Variants in TENM3 observed in about 807,000 individuals in gnomAD.
TENM3 encodes teneurin-3.
In TENM3, 63 loss-of-function variants were observed where a neutral mutation model predicts 255.1. The ratio of observed to expected loss-of-function variants is 0.25; its 90% CI spans 0.20 to 0.30. The LOEUF (loss-of-function observed/expected upper bound fraction) is 0.30, where lower values mean the gene tolerates loss of function less well. Ranked by LOEUF, TENM3 falls within the 10% of genes least tolerant of loss-of-function variation. The pLI, the probability that TENM3 is intolerant of heterozygous loss-of-function variation, is 1.00. For missense variants in TENM3, 2,929 were observed against 3,461.1 expected, an observed-to-expected ratio of 0.85 and a Z score of 3.86; for synonymous variants, 1,306 against 1,322.3, an observed-to-expected ratio of 0.99 and a Z score of 0.27.
chr4:181,603,298 A>G, the TENM3 span, among the ~76,000 whole-genome samples: 2 of 152,198 alleles, frequency 1.3e-5, no homozygotes, highest in Non-Finnish European at 2.9e-5. Context: ...AGATCCTAAT[A>G]GGGCAATAAT....
intron 5 of TENM3, among the ~76,000 whole-genome samples, chr4:182,639,961 G>A (rs558122092): frequency 3.9e-5 from 6 of 152,054 alleles, no homozygotes; most frequent in Non-Finnish European, 7.4e-5. Flanking sequence ...GTGGTGGCGC[G>A]CACCTGTAGT....
the TENM3 span, among the ~76,000 whole-genome samples, chr4:181,624,376 G>A: frequency 6.6e-6 from 1 of 152,182 alleles, no homozygotes; most frequent in Non-Finnish European, 1.5e-5. Context: ...TAAATCCCAT[G>A]GCCACATCTA....
At chr4:182,219,136 C>T (rs1249907623) in intron 1 of TENM3, among the ~76,000 whole-genome samples, 4 of 152,216 alleles carry the variant, frequency 2.6e-5, no homozygotes, top group African/African-American at 7.2e-5. Context: ...GCAGGTGAAT[C>T]GCTTGAACCT....
the TENM3 span, among the ~76,000 whole-genome samples, chr4:181,697,849 C>G: frequency 2.0e-5 from 3 of 152,210 alleles, no homozygotes; most frequent in South Asian, 6.2e-4. Flanking sequence ...AATGCCTACT[C>G]TGTGCAAACC....
At chr4:182,053,755 C>A in the TENM3 span, among the ~76,000 whole-genome samples, 1 of 152,324 alleles carries the variant, frequency 6.6e-6, no homozygotes, top group South Asian at 2.1e-4. Context: ...ATCCTAGAGG[C>A]ATTTAATCTG....
intron 3 of TENM3, among the ~76,000 whole-genome samples, chr4:182,566,602 C>T (rs1242635550): frequency 3.3e-5 from 5 of 152,194 alleles, no homozygotes; most frequent in East Asian, 1.9e-4. Context: ...CAGCCTTTCA[C>T]GCACTGTGTC....
chr4:182,364,850 C>T (rs905055792), intron 3 of TENM3, among the ~76,000 whole-genome samples: 1 of 152,198 alleles, frequency 6.6e-6, no homozygotes, highest in Admixed American at 6.5e-5. Flanking sequence ...TGAACTTTCG[C>T]TACTATAAGT....
chr4:182,775,530 C>T (rs554378687), intron 24 of TENM3, among the ~76,000 whole-genome samples: 2 of 152,282 alleles, frequency 1.3e-5, no homozygotes, highest in East Asian at 1.9e-4. Context: ...CAGACACTGC[C>T]GCCACCTGCA....
the TENM3 span, among the ~76,000 whole-genome samples, chr4:181,549,864 T>C: frequency 2.0e-5 from 3 of 152,334 alleles, no homozygotes; most frequent in South Asian, 4.1e-4. Context: ...TCTATAAATA[T>C]CTTTTCAGCA....
At chr4:182,234,309 C>T (rs1756762162) in intron 1 of TENM3, among the ~76,000 whole-genome samples, 1 of 152,168 alleles carries the variant, frequency 6.6e-6, no homozygotes, top group South Asian at 2.1e-4. Context: ...TCTCCTTAAT[C>T]ACGGTGCTAC....
At chr4:182,587,510 C>T (rs988306468) in intron 3 of TENM3, among the ~76,000 whole-genome samples, 4 of 152,154 alleles carry the variant, frequency 2.6e-5, no homozygotes, top group Non-Finnish European at 1.5e-5. Context: ...ACCCGGGAGA[C>T]AGAGGTCGCA....
the TENM3 span, among the ~76,000 whole-genome samples, chr4:181,467,209 G>C: frequency 7.0e-6 from 1 of 142,908 alleles, no homozygotes; most frequent in Non-Finnish European, 1.5e-5. Context: ...GGCTCCCCGC[G>C]ACCTCCGCCT....
the TENM3 span, among the ~76,000 whole-genome samples, chr4:181,569,625 G>A: frequency 1.1e-4 from 16 of 152,136 alleles, no homozygotes; most frequent in African/African-American, 3.4e-4. Context: ...TACTAACCCT[G>A]TAAAAGTTGT....
chr4:181,876,774 C>T, the TENM3 span, among the ~76,000 whole-genome samples: 6 of 151,818 alleles, frequency 4.0e-5, no homozygotes, highest in Non-Finnish European at 7.4e-5. Context: ...GTATTTTGAA[C>T]GGAATTTTGA....
intron 3 of TENM3, among the ~76,000 whole-genome samples, chr4:182,411,526 C>T (rs1769984719): frequency 6.6e-6 from 1 of 152,140 alleles, no homozygotes; most frequent in African/African-American, 2.4e-5. Context: ...AATGCAAACT[C>T]CTGGCTCCCA....
intron 3 of TENM3, among the ~76,000 whole-genome samples, chr4:182,358,903 A>C (rs2150758645): frequency 6.6e-6 from 1 of 151,780 alleles, no homozygotes; most frequent in East Asian, 1.9e-4. Flanking sequence ...ATCAATACCT[A>C]ATTTATTAAG....
intron 24 of TENM3, among the ~76,000 whole-genome samples, chr4:182,784,905 G>A (rs1327740384): frequency 6.6e-6 from 1 of 152,112 alleles, no homozygotes; most frequent in Non-Finnish European, 1.5e-5. Context: ...GCCTCGCCCT[G>A]CTTCGGCTCG....
At chr4:181,543,837 T>C in the TENM3 span, among the ~76,000 whole-genome samples, 3 of 152,210 alleles carry the variant, frequency 2.0e-5, no homozygotes, top group African/African-American at 7.2e-5. Context: ...TTAACTAAAG[T>C]CATATCAACA....
chr4:182,186,765 A>G (rs1348394720), intron 1 of TENM3, among the ~76,000 whole-genome samples: 4 of 8,388 alleles, frequency 4.8e-4, no homozygotes, highest in African/African-American at 2.6e-3. Context: ...AATGCATCAT[A>G]TATATATATA....
Sources: allele counts gnomAD v4.1 joint callset (sites outside exome capture counted in the v4.1 genomes callset), GRCh38; gene constraint gnomAD v4.1.1; transcripts MANE v1.5; gene names NCBI Gene and HGNC (gene_info 2026-07-23, HGNC 2026-07-21).